Variants in STEAP3 observed in about 807,000 individuals in gnomAD.
STEAP3 encodes the protein STEAP3 metalloreductase.
STEAP3 carries 35 observed loss-of-function variants against 34.9 expected under a neutral mutation model. That is an observed-to-expected ratio of 1.00 (90% CI 0.76 to 1.33). The LOEUF is 1.33. STEAP3 is among the 40% of genes most tolerant of loss of function. STEAP3 has a pLI of 0.00. For missense variants in STEAP3, 652 were observed against 667.6 expected (o/e 0.98, Z 0.26); for synonymous variants, 281 against 301.6 (o/e 0.93, Z 0.71).
intron 4 of STEAP3, 137 bp from the exon 5 acceptor site, chr2:119,254,547 C>G (rs1018726080): frequency 1.1e-6 from 1 of 919,240 alleles, no homozygotes. Flanking sequence ...GCCTGAGAAA[C>G]GCTTATCACA....
chr2:119,261,914 C>T (rs1191257172), intron 5 of STEAP3, among the ~76,000 whole-genome samples: 1 of 152,192 alleles, frequency 6.6e-6, no homozygotes, highest in African/African-American at 2.4e-5. Context: ...GTAAAATGGC[C>T]GGGACCATTT....
At chr2:119,262,753 A>T (rs538995673) in intron 5 of STEAP3, among the ~76,000 whole-genome samples, 2 of 152,318 alleles carry the variant, frequency 1.3e-5, no homozygotes. Context: ...AACAAATAAC[A>T]AAGTTAAGGA....
In STEAP3 at chr2:119,245,816, C is replaced by G. The variant is rs767817950; in HGVS notation, c.350C>G (p.Ala117Gly). 6.2e-7 allele frequency: 1 copy of G among 1,614,174 alleles called. No homozygotes were observed. Among genetic ancestry groups the G allele is most frequent in the African/African-American group, 1.3e-5 (1 of 75,034 alleles). ...CTGTGCAGTCTCAGTGACCAGCTGG[C>G]GGGCAAGATCCTGGTGGATGTGAGC... ...SSLCSLSDQL[A>G]GKILVDVSNP... Residue 117 changes from alanine to glycine, a missense_variant, in exon 3 of 6, where the codon GCG becomes GGG. By Grantham distance (60) the Ala-to-Gly change is moderately conservative. Coordinates refer to ENST00000393110, the MANE Select transcript of STEAP3 (RefSeq NM_182915.3).
Position 119,263,513 on chromosome 2 carries a change from A to G in STEAP3, c.*175A>G. 3.0e-5 allele frequency: 23 copies of G among 775,932 alleles called. No individual in the cohort carries two copies. Among genetic ancestry groups the G allele is most frequent in the Non-Finnish European group, 4.7e-5 (22 of 464,008 alleles). The allele number at this position is 775,932 out of a possible 1,614,324, so 48.1% of individuals were successfully genotyped here. A position where few individuals can be genotyped will look rare whatever the true frequency, so the allele number is the denominator to read the frequency against. On this transcript the variant is annotated 3_prime_UTR_variant, in exon 6 of 6. Transcript: ENST00000393110. ...ACTATTCAGAATGATATACACACAT[A>G]TGTGTATATGTATTTACATATATTC...
chr2:119,230,500 T>A (rs1416267145), intron 1 of STEAP3, 120 bp from the exon 2 acceptor site: 2 of 163,120 alleles, frequency 1.2e-5, no homozygotes, highest in Non-Finnish European at 2.7e-5. Flanking sequence ...GCAATAAATT[T>A]CCCCCACAGA....
In STEAP3 at chr2:119,254,772, C is replaced by T; in HGVS notation, c.1139C>T (p.Thr380Met). ...TCCCTGGGAGTGCTGGCCCTCGGCA[C>T]GTTGTCCCTGCTGGCCGTGACCTCA... is the stretch of plus-strand genomic sequence containing the variant. ...YLSLGVLALG[T>M]LSLLAVTSLP... Residue 380 changes from threonine (T) to methionine (M), a missense_variant, in exon 5 of 6, where the codon ACG (threonine) becomes ATG (methionine). Physicochemically the swap from Thr to Met is moderately conservative, Grantham distance 81. Transcript: ENST00000393110. 2 of 1,614,166 alleles carry T rather than the reference C, an allele frequency of 1.2e-6. No individual in the cohort carries two copies. Among genetic ancestry groups the T allele is most frequent in the Non-Finnish European group, 1.7e-6 (2 of 1,180,022 alleles).
Position 119,264,007 on chromosome 2 carries a change from T to C in STEAP3, c.*669T>C, listed in dbSNP as rs1678031676. 1.3e-5 allele frequency: 2 copies of C among 156,472 alleles called. No homozygotes were observed. Among genetic ancestry groups the C allele is most frequent in the Admixed American group, 6.2e-5 (1 of 16,156 alleles). The allele number at this position is 156,472 out of a possible 1,614,324, so 9.7% of individuals were successfully genotyped here. On this transcript the variant is annotated 3_prime_UTR_variant, in exon 6 of 6. Coordinates refer to ENST00000393110, the MANE Select transcript of STEAP3 (RefSeq NM_182915.3). The stretch of plus-strand genomic sequence containing the variant: ...GCTGCTCCACCTCATCCTTGCTGAG[T>C]GGGGGAGACATTTTCCCTGAAAGTC...
intron 4 of STEAP3, among the ~76,000 whole-genome samples, chr2:119,249,756 G>A (rs1677568027): frequency 6.6e-6 from 1 of 152,178 alleles, no homozygotes; most frequent in Non-Finnish European, 1.5e-5. Context: ...CTACTCGACT[G>A]CCCTCGTCCT....
intron 2 of STEAP3, chr2:119,244,872 GTTCA>G (rs60150457): frequency 0.071 from 10,770 of 152,594 alleles, 957 homozygotes; most frequent in African/African-American, 0.21. Flanking sequence ...AAGGTTTGGT[GTTCA>G]TTCATTCATT....
In STEAP3 at chr2:119,245,449, A is replaced by G. The variant is rs774659780; in HGVS notation, c.23-40A>G. 3.9e-6 allele frequency: 6 copies of G among 1,543,782 alleles called. No individual in the cohort carries two copies. In the East Asian group the frequency reaches 1.1e-4, roughly 29 times the overall value. On this transcript the variant is annotated intron_variant, in intron 2 of 5. Coordinates refer to ENST00000393110, the MANE Select transcript of STEAP3 (RefSeq NM_182915.3). ...AGGGAGGTGGCAGAAGGGGCAGTCC[A>G]GGAGCCCTCCACTGACCAGGTTCCT...
rs769252394 is a variant in STEAP3 at position 119,231,145 on chromosome 2, T to G, written c.22+111T>G. 59 of 1,444,412 alleles carry G rather than the reference T, an allele frequency of 4.1e-5. 1 individual carries two copies. The highest frequency in any genetic ancestry group is 5.5e-5 in the Non-Finnish European group (57 of 1,041,128). The allele number at this position is 1,444,412 out of a possible 1,614,324, so 89.5% of individuals were successfully genotyped here. On this transcript the variant is annotated intron_variant, in intron 2 of 5. Transcript: ENST00000393110. ...CCTGCTGGAGGGTGCCCCTTGAATC[T>G]CCAGGAGGTCCGAGGAACTCGACAC...
intron 1 of STEAP3, among the ~76,000 whole-genome samples, chr2:119,227,345 C>A (rs1022870118): frequency 6.6e-6 from 1 of 152,204 alleles, no homozygotes; most frequent in Non-Finnish European, 1.5e-5. Context: ...GAGTGTGTTC[C>A]TCTTCAGGTG....
chr2:119,230,928 G>A lies in STEAP3; in HGVS notation c.-85G>A. ...TCAGAACCAAAGCCAGGCTGTCCTGGTTGGAGACTGAGCCAGAAAGGGTGG... is the reference window on the plus strand; with the variant it reads ...TCAGAACCAAAGCCAGGCTGTCCTGATTGGAGACTGAGCCAGAAAGGGTGG... On this transcript the variant is annotated 5_prime_UTR_variant, in exon 2 of 6. Coordinates refer to ENST00000393110, the MANE Select transcript of STEAP3 (RefSeq NM_182915.3). 6.3e-7 allele frequency: 1 copy of A among 1,586,672 alleles called. No homozygotes were observed. Among genetic ancestry groups the A allele is most frequent in the South Asian group, 1.1e-5 (1 of 90,574 alleles).
intron 2 of STEAP3, among the ~76,000 whole-genome samples, chr2:119,243,258 C>T (rs1677303879): frequency 6.6e-6 from 1 of 152,200 alleles, no homozygotes; most frequent in Non-Finnish European, 1.5e-5. Context: ...ACACATGTCC[C>T]CTGACTCTTG....
intron 4 of STEAP3, among the ~76,000 whole-genome samples, 158 bp from the exon 5 acceptor site, chr2:119,254,526 G>T (rs115004387): frequency 2.0e-5 from 3 of 152,166 alleles, no homozygotes; most frequent in African/African-American, 7.2e-5. Context: ...TTGAGGATTC[G>T]ATGAGTTAAT....
At chr2:119,242,329 C>T (rs1393743251) in intron 2 of STEAP3, among the ~76,000 whole-genome samples, 2 of 152,228 alleles carry the variant, frequency 1.3e-5, no homozygotes, top group Admixed American at 1.3e-4. Context: ...GGGCTTGTGT[C>T]TCCCTGTGGT....
intron 2 of STEAP3, among the ~76,000 whole-genome samples, chr2:119,232,088 G>T (rs1676958635): frequency 6.6e-6 from 1 of 152,240 alleles, no homozygotes; most frequent in African/African-American, 2.4e-5. Flanking sequence ...GAAAGTATGA[G>T]TTGGAGCAGC....
intron 1 of STEAP3, among the ~76,000 whole-genome samples, chr2:119,224,793 A>G (rs1264800246): frequency 6.6e-6 from 1 of 152,192 alleles, no homozygotes; most frequent in Non-Finnish European, 1.5e-5. Flanking sequence ...AACAGCAGAT[A>G]TTCCCATTTA....
At position 119,263,343 on chromosome 2, in the gene STEAP3, C is replaced by T. The variant is rs1308053119; in HGVS notation, c.*5C>T. ...GAGAAGACGAGCCACGTATGAGGTG[C>T]CTGCCCTGGGCTCTGGACCCCGGGC... On this transcript the variant is annotated 3_prime_UTR_variant, in exon 6 of 6. Coordinates refer to ENST00000393110, the MANE Select transcript of STEAP3 (RefSeq NM_182915.3). The T allele has an allele frequency of 6.2e-7, 1 of 1,610,998 alleles. No homozygotes were observed. Among genetic ancestry groups the T allele is most frequent in the Non-Finnish European group, 8.5e-7 (1 of 1,178,902 alleles).
Sources: allele counts gnomAD v4.1 joint callset (sites outside exome capture counted in the v4.1 genomes callset), GRCh38; gene constraint gnomAD v4.1.1; transcripts MANE v1.5; gene names NCBI Gene and HGNC (gene_info 2026-07-23, HGNC 2026-07-21).